The following GRK5 variants were observed in gnomAD, a reference collection of about 807,000 sequenced individuals.
GRK5 encodes g protein-coupled receptor kinase GRK5.
A neutral mutation model predicts 78.4 loss-of-function variants in GRK5; 40 were observed. The ratio of observed to expected loss-of-function variants is 0.51; its 90% CI spans 0.40 to 0.66. The LOEUF is 0.66. Among genes scored for constraint, GRK5 ranks in the 30% least tolerant of loss-of-function variants. The probability of loss-of-function intolerance (pLI) is 0.00; values close to 1 mark genes in which losing one functional copy is unlikely to be tolerated. For missense variants in GRK5, 598 were observed against 759.9 expected, an observed-to-expected ratio of 0.79 and a Z score of 2.50; for synonymous variants, 289 against 296.8, an observed-to-expected ratio of 0.97 and a Z score of 0.27.
At chr10:119,437,280 C>G (rs531149593) in intron 9 of GRK5, among the ~76,000 whole-genome samples, 1 of 152,224 alleles carries the variant, frequency 6.6e-6, no homozygotes, top group African/African-American at 2.4e-5. Flanking sequence ...CCCATGGTCC[C>G]ACTCCATGCT....
rs1406227371 is a variant in GRK5, at chr10:119,268,172, T to A, written c.53-58344T>A. On this transcript the variant is annotated intron_variant, in intron 1 of 15. Transcript: ENST00000392870. ...ATGCAGAAATTTTCTGTATTGGTTG[T>A]TTATCCATCACCAACTTCTAAAGCA... Among the ~76,000 whole-genome samples, 3 of 152,254 alleles carry A rather than the reference T, an allele frequency of 2.0e-5. No individual in the cohort carries two copies. The South Asian group carries it at 6.2e-4, about 32-fold the overall frequency.
intron 4 of GRK5, among the ~76,000 whole-genome samples, chr10:119,398,460 G>C (rs762965332): frequency 3.9e-5 from 6 of 152,268 alleles, no homozygotes; most frequent in Non-Finnish European, 5.9e-5. Context: ...GCTGAATAGC[G>C]TGAGAGGCCA....
chr10:119,418,605 C>T (rs1852510201), intron 4 of GRK5, among the ~76,000 whole-genome samples: 1 of 152,238 alleles, frequency 6.6e-6, no homozygotes. Flanking sequence ...CAGGCTGAGG[C>T]TGACCACTGT....
chr10:119,255,061 G>C (rs534074495), intron 1 of GRK5, among the ~76,000 whole-genome samples: 1 of 142,118 alleles, frequency 7.0e-6, no homozygotes, highest in African/African-American at 2.6e-5. Context: ...AAAAAAAGAA[G>C]GAAAAACAGA....
chr10:119,263,882 C>T (rs1046035618), intron 1 of GRK5, among the ~76,000 whole-genome samples: 1 of 152,110 alleles, frequency 6.6e-6, no homozygotes, highest in Non-Finnish European at 1.5e-5. Flanking sequence ...GAGCTGAGAT[C>T]GTGCCACTGC....
At chr10:119,291,510 CTCCTCCTCCTCCTCT>C (rs1170661190) in intron 1 of GRK5, among the ~76,000 whole-genome samples, 3,532 of 131,524 alleles carry the variant, frequency 0.027, 183 homozygotes, top group Middle Eastern at 0.049. Context: ...CTGCTGCTGC[CTCCTCCTCCTCCTCT>C]TCCTCCTCCT....
At position 119,457,175 on chromosome 10, in the gene GRK5, A is replaced by T. The variant is rs1853412510; in HGVS notation, c.*2108A>T. On this transcript the variant is annotated 3_prime_UTR_variant, in exon 16 of 16. Transcript: ENST00000392870. ...TTTTTCAATGAAAAGAAGGACCATC[A>T]TCCTAGGATGGTCACCAGCCCAAGC... is the stretch of plus-strand genomic sequence containing the variant. 6.6e-6 allele frequency: 1 copy of T among 152,084 alleles called. No homozygotes were observed. The allele number at this position is 152,084 out of a possible 1,614,324, so 9.4% of individuals were successfully genotyped here. A position where few individuals can be genotyped will look rare whatever the true frequency, so the allele number is the denominator to read the frequency against.
At chr10:119,236,863 C>G (rs1432388301) in intron 1 of GRK5, among the ~76,000 whole-genome samples, 1 of 151,836 alleles carries the variant, frequency 6.6e-6, no homozygotes, top group Non-Finnish European at 1.5e-5. Context: ...AACTCCTGAC[C>G]TCAGGTGATC....
chr10:119,245,845 G>A (rs1009314915), intron 1 of GRK5, among the ~76,000 whole-genome samples: 6 of 151,456 alleles, frequency 4.0e-5, no homozygotes, highest in African/African-American at 9.7e-5. Context: ...ATGAAACCCC[G>A]TCTCTACTAA....
chr10:119,380,879 T>C lies in GRK5; in HGVS notation c.213T>C (p.Cys71=). Residue 71 remains cysteine, a synonymous_variant, in exon 3 of 16, where the codon TGT becomes TGC. Transcript: ENST00000392870. ...PIGRLLFRQF[C]ETRPGLECYI... The stretch of plus-strand genomic sequence containing the variant: ...GGAGGCTGCTTTTCCGGCAGTTTTG[T>C]GAAACCAGGCCTGGGCTGGAGTGTT... The C allele has an allele frequency of 6.2e-7, 1 of 1,613,686 alleles. No individual in the cohort carries two copies. Among genetic ancestry groups the C allele is most frequent in the Middle Eastern group, 1.7e-4 (1 of 6,052 alleles).
chr10:119,448,303 T>C, intron 13 of GRK5, 43 bp downstream of exon 13: 3 of 1,557,124 alleles, frequency 1.9e-6, no homozygotes, highest in Non-Finnish European at 1.7e-6. Context: ...CTTCACAGGG[T>C]ACCCAGGGCT....
chr10:119,372,648 G>A (rs143065890), intron 2 of GRK5, among the ~76,000 whole-genome samples: 115 of 152,244 alleles, frequency 7.6e-4, no homozygotes, highest in African/African-American at 2.6e-3. Context: ...AACATCATCA[G>A]GACACTATTT....
rs572437005 is a variant in GRK5 at position 119,352,835 on chromosome 10, C to T, written c.148+26224C>T. 2.0e-4 allele frequency among the ~76,000 whole-genome samples: 30 copies of T among 152,320 alleles called. 1 individual carries two copies. In the South Asian group the frequency reaches 6.0e-3, roughly 30 times the overall value. On this transcript the variant is annotated intron_variant, in intron 2 of 15. Transcript: ENST00000392870. ...TTCCACCCGAATCCTGGATTGGTGTCATTTAAGCTCAGCAGAGCCCCGTAT... is the reference window on the plus strand; with the variant it reads ...TTCCACCCGAATCCTGGATTGGTGTTATTTAAGCTCAGCAGAGCCCCGTAT...
At chr10:119,210,693 GA>G (rs1371391653) in intron 1 of GRK5, among the ~76,000 whole-genome samples, 2 of 152,318 alleles carry the variant, frequency 1.3e-5, no homozygotes, top group East Asian at 3.9e-4. Context: ...TGGCAAATGT[GA>G]AATTTAATTT....
intron 1 of GRK5, among the ~76,000 whole-genome samples, chr10:119,215,537 G>T (rs1355124881): frequency 1.3e-5 from 2 of 150,422 alleles, no homozygotes; most frequent in African/African-American, 2.5e-5. Context: ...GGAAGGGGAG[G>T]GGGCTGCACC....
rs1849457002 is a variant in GRK5 at position 119,264,241 on chromosome 10, C to G, written c.52+56272C>G. Among the ~76,000 whole-genome samples the G allele has an allele frequency of 6.6e-6, 1 of 152,202 alleles. No homozygotes were observed. The highest frequency in any genetic ancestry group is 2.1e-4 in the South Asian group (1 of 4,836). On this transcript the variant is annotated intron_variant, in intron 1 of 15. Transcript: ENST00000392870. The surrounding 1 kb of genome is among the most constrained non-coding windows in gnomAD (Gnocchi z 4.1). Reference sequence around the variant, plus strand: ...TTCCAGCAAGGTGACTGTCATTAGGCAGATCTCTTTCCATTACAGGTGACA... The same window carrying G: ...TTCCAGCAAGGTGACTGTCATTAGGGAGATCTCTTTCCATTACAGGTGACA...
chr10:119,431,516 A>T lies in GRK5; in HGVS notation c.727A>T (p.Ser243Cys). ...NEKQILEKVN[S>C]QFVVNLAYAY... The stretch of plus-strand genomic sequence containing the variant: ...GAAGCAGATCCTCGAGAAGGTCAAC[A>T]GTCAGTTTGTGGTGAGTGAGCATCT... Residue 243 changes from serine (S) to cysteine (C), a missense_variant, in exon 8 of 16, where the codon AGT becomes TGT. Physicochemically the swap from Ser to Cys is moderately radical, Grantham distance 112. Transcript: ENST00000392870. The surrounding 1 kb of genome is among the most constrained non-coding windows in gnomAD (Gnocchi z 4.8). 6.2e-7 allele frequency: 1 copy of T among 1,613,526 alleles called. No homozygotes were observed. The highest frequency in any genetic ancestry group is 8.5e-7 in the Non-Finnish European group (1 of 1,179,698).
chr10:119,215,769 C>T (rs1162764422), intron 1 of GRK5, among the ~76,000 whole-genome samples: 1 of 152,152 alleles, frequency 6.6e-6, no homozygotes, highest in African/African-American at 2.4e-5. Context: ...TACAGAGCCC[C>T]ATGTTCCTTC....
intron 10 of GRK5, 68 bp from the exon 11 acceptor site, chr10:119,441,931 G>A (rs1398790345): frequency 7.8e-7 from 1 of 1,284,422 alleles, no homozygotes; most frequent in East Asian, 2.3e-5. Flanking sequence ...CTTGCCCAAG[G>A]GCACACAGCA....
Sources: allele counts gnomAD v4.1 joint callset (sites outside exome capture counted in the v4.1 genomes callset), GRCh38; gene constraint gnomAD v4.1.1; non-coding constraint Gnocchi (gnomAD v3.1); transcripts MANE v1.5; gene names NCBI Gene and HGNC (gene_info 2026-07-23, HGNC 2026-07-21).